Variants in SPTLC2 observed in about 807,000 individuals in gnomAD.
The protein encoded by SPTLC2 is serine palmitoyltransferase 2.
A neutral mutation model predicts 62.0 loss-of-function variants in SPTLC2; 21 were observed. The ratio of observed to expected loss-of-function variants is 0.34; its 90% CI spans 0.24 to 0.49. The LOEUF is 0.49. Among genes scored for constraint, SPTLC2 ranks in the 20% least tolerant of loss-of-function variants. The pLI is 0.99. For missense variants in SPTLC2, 511 were observed against 713.0 expected, an observed-to-expected ratio of 0.72 and a Z score of 3.23; for synonymous variants, 261 against 261.8, an observed-to-expected ratio of 1.00 and a Z score of 0.03.
chr14:77,512,465 G>A (rs964923213), intron 11 of SPTLC2, 62 bp from the exon 12 acceptor site: 71 of 1,612,002 alleles, frequency 4.4e-5, no homozygotes, highest in Non-Finnish European at 5.4e-5. Context: ...CATGCCTGGT[G>A]TTTTACTTTG....
rs1428375880 is a variant in SPTLC2, at chr14:77,506,705, G to A, written c.*5579C>T. 1 of 152,260 alleles carries A rather than the reference G, an allele frequency of 6.6e-6. No homozygotes were observed. The highest frequency in any genetic ancestry group is 1.9e-4 in the East Asian group (1 of 5,200). The allele number at this position is 152,260 out of a possible 1,614,324, so 9.4% of individuals were successfully genotyped here. ...AAGCTTTGCAAAAGAAACCTGGGAA[G>A]AGCGTTGGAAAAAGCAGACTCTGAG... On this transcript the variant is annotated 3_prime_UTR_variant, in exon 12 of 12. Coordinates refer to ENST00000216484, the MANE Select transcript of SPTLC2 (RefSeq NM_004863.4).
Position 77,555,473 on chromosome 14 carries a change from T to G in SPTLC2, c.1003A>C (p.Lys335Gln). ...VRLPEVIALKKKYKAYLYLDE... is the reference protein window; with the variant it reads ...VRLPEVIALKQKYKAYLYLDE... ...AGATACAAGTATGCCTTGTATTTCT[T>G]CTTGAGGGCAATCACTTCAGGAAGA... Residue 335 changes from lysine to glutamine, a missense_variant, in exon 8 of 12, where the codon AAG (lysine) becomes CAG (glutamine). Transcript: ENST00000216484. 1 of 1,614,170 alleles carries G rather than the reference T, an allele frequency of 6.2e-7. No homozygotes were observed. Among genetic ancestry groups the G allele is most frequent in the Non-Finnish European group, 8.5e-7 (1 of 1,180,040 alleles).
intron 5 of SPTLC2, among the ~76,000 whole-genome samples, chr14:77,565,393 C>T (rs967000932): frequency 6.6e-6 from 1 of 151,844 alleles, no homozygotes; most frequent in Admixed American, 6.6e-5. Context: ...ATGGTGATTA[C>T]AAAGAGAAAA....
chr14:77,531,443 TCTC>T (rs1354897312), intron 9 of SPTLC2, among the ~76,000 whole-genome samples: 9 of 130,278 alleles, frequency 6.9e-5, no homozygotes, highest in Admixed American at 6.1e-4. Context: ...TTCTTCTTCT[TCTC>T]CTCCTTCTCC....
At chr14:77,529,353 A>G (rs1265224259) in intron 9 of SPTLC2, among the ~76,000 whole-genome samples, 4 of 149,306 alleles carry the variant, frequency 2.7e-5, no homozygotes, top group Admixed American at 2.0e-4. Context: ...ATAAACTTAC[A>G]TACCCTTGAT....
chr14:77,532,763 A>G (rs186556713), intron 9 of SPTLC2, among the ~76,000 whole-genome samples: 22 of 152,052 alleles, frequency 1.4e-4, no homozygotes, highest in East Asian at 1.2e-3. Context: ...CAGCCTGGGC[A>G]ACAGAGCAAG....
chr14:77,586,851 A>G lies in SPTLC2; in HGVS notation c.328-7742T>C, dbSNP rs188742383. On this transcript the variant is annotated intron_variant, in intron 2 of 11. Transcript: ENST00000216484. ...TAGAGAATTGCAAATTAAAACCACA[A>G]TGAGACACTAGTACATATATACCAA... Among the ~76,000 whole-genome samples, 36 of 152,306 alleles carry G rather than the reference A, an allele frequency of 2.4e-4. 1 individual carries two copies. Among genetic ancestry groups the G allele is most frequent in the African/African-American group, 8.7e-4 (36 of 41,564 alleles).
intron 9 of SPTLC2, among the ~76,000 whole-genome samples, chr14:77,531,443 T>TCTTCTTCTTCTC (rs1478198521): frequency 0.05 from 6,480 of 130,124 alleles, 403 homozygotes; most frequent in African/African-American, 0.061. Context: ...TTCTTCTTCT[T>TCTTCTTCTTCTC]CTCCTCCTTC....
chr14:77,599,742 C>T (rs1029297621), intron 1 of SPTLC2, among the ~76,000 whole-genome samples: 4 of 152,116 alleles, frequency 2.6e-5, no homozygotes, highest in African/African-American at 7.2e-5. Context: ...GTGTTTAGAA[C>T]AGAATACCTA....
At chr14:77,612,024 A>G (rs1465343287) in intron 1 of SPTLC2, among the ~76,000 whole-genome samples, 1 of 152,190 alleles carries the variant, frequency 6.6e-6, no homozygotes, top group Non-Finnish European at 1.5e-5. Context: ...AGAGCAAAGG[A>G]CTTACTTTTT....
At chr14:77,527,084 G>C (rs149710948) in intron 9 of SPTLC2, among the ~76,000 whole-genome samples, 6 of 142,170 alleles carry the variant, frequency 4.2e-5, no homozygotes, top group Non-Finnish European at 9.1e-5. Flanking sequence ...GTGAGCCACT[G>C]CGCCCGGCCT....
chr14:77,589,482 CTT>C (rs10717655), intron 2 of SPTLC2, among the ~76,000 whole-genome samples: 501 of 141,194 alleles, frequency 3.5e-3, no homozygotes, highest in Middle Eastern at 7.4e-3. Flanking sequence ...ATATCTTAAA[CTT>C]TTTTTTTTTT....
chr14:77,557,273 G>C, intron 6 of SPTLC2, 127 bp from the exon 7 acceptor site: 1 of 859,134 alleles, frequency 1.2e-6, no homozygotes, highest in Non-Finnish European at 1.8e-6. Context: ...ATTAGAGTTG[G>C]GCAGAAAAAA....
intron 5 of SPTLC2, among the ~76,000 whole-genome samples, chr14:77,567,507 T>C (rs893291442): frequency 3.3e-5 from 5 of 152,262 alleles, no homozygotes; most frequent in African/African-American, 4.8e-5. Context: ...GTGTATTTTA[T>C]CTAAGTTGTT....
At chr14:77,545,966 TG>T (rs1211847599) in intron 9 of SPTLC2, among the ~76,000 whole-genome samples, 1 of 151,998 alleles carries the variant, frequency 6.6e-6, no homozygotes, top group Non-Finnish European at 1.5e-5. Flanking sequence ...AGCAGAAAGG[TG>T]GGGAAAGGGC....
At chr14:77,614,252 GA>G (rs1449909545) in intron 1 of SPTLC2, among the ~76,000 whole-genome samples, 1 of 152,224 alleles carries the variant, frequency 6.6e-6, no homozygotes, top group Non-Finnish European at 1.5e-5. Flanking sequence ...GATTATGGGA[GA>G]AAGGTCCTTG....
At chr14:77,562,785 C>T (rs2079622042) in intron 5 of SPTLC2, among the ~76,000 whole-genome samples, 1 of 152,148 alleles carries the variant, frequency 6.6e-6, no homozygotes, top group Non-Finnish European at 1.5e-5. Context: ...AAACATGACA[C>T]ATCCGTCTCT....
chr14:77,529,002 A>AT (rs1319429424), intron 9 of SPTLC2, among the ~76,000 whole-genome samples: 1 of 151,586 alleles, frequency 6.6e-6, no homozygotes, highest in Non-Finnish European at 1.5e-5. Flanking sequence ...TGCCTGGTTA[A>AT]TTTTTTTGTA....
chr14:77,610,332 G>A (rs902475114), intron 1 of SPTLC2, among the ~76,000 whole-genome samples: 1 of 152,160 alleles, frequency 6.6e-6, no homozygotes, highest in African/African-American at 2.4e-5. Flanking sequence ...AGTAGAGACG[G>A]GGTTTCACCA....
Sources: gnomAD v4.1 joint callset for allele counts (sites outside exome capture counted in the v4.1 genomes callset) on GRCh38, gnomAD v4.1.1 for gene constraint, MANE v1.5 for transcripts, NCBI Gene and HGNC (gene_info 2026-07-23, HGNC 2026-07-21) for gene names.